Variants in DLGAP2 observed in about 807,000 individuals in gnomAD.
The protein encoded by DLGAP2 is DLG associated protein 2, also known as disks large-associated protein 2.
DLGAP2 carries 26 observed loss-of-function variants against 100.3 expected under a neutral mutation model. That is an observed-to-expected ratio of 0.26 (90% CI 0.19 to 0.36). The LOEUF (loss-of-function observed/expected upper bound fraction) is 0.36. DLGAP2 is among the 10% of genes least tolerant of loss of function. DLGAP2 has a pLI of 1.00. For synonymous variants in DLGAP2, 886 were observed against 630.1 expected, an observed-to-expected ratio of 1.41 and a Z score of -6.08; for missense variants, 1,858 against 1,453.2, an observed-to-expected ratio of 1.28 and a Z score of -4.53.
intron 6 of DLGAP2, among the ~76,000 whole-genome samples, chr8:1,586,418 C>T (rs1471672346): frequency 6.6e-6 from 1 of 152,220 alleles, no homozygotes; most frequent in Non-Finnish European, 1.5e-5. Context: ...TCTCACTCTG[C>T]AGACCCCTCC....
Position 779,741 on chromosome 8 carries a change from A to T in DLGAP2, c.18+41916A>T, listed in dbSNP as rs80060674. Among the ~76,000 whole-genome samples the T allele has an allele frequency of 1.8e-3, 268 of 152,266 alleles. 10 individuals carry two copies. The East Asian group carries it at 0.046, about 26-fold the overall frequency. On this transcript the variant is annotated intron_variant, in intron 1 of 14. Transcript: ENST00000637795. ...CTTTGCCTTCTCTCAAGCAGACACT[A>T]ACAGGGAATATCTGTAGCAGGGCCA... is the stretch of plus-strand genomic sequence containing the variant.
At chr8:1,295,705 C>T (rs368115778) in intron 3 of DLGAP2, among the ~76,000 whole-genome samples, 14 of 152,300 alleles carry the variant, frequency 9.2e-5, no homozygotes, top group South Asian at 6.2e-4. Context: ...AAACCCACTC[C>T]GGGCCCCAGT....
At chr8:1,509,962 A>G (rs1414055570) in intron 4 of DLGAP2, among the ~76,000 whole-genome samples, 1 of 152,050 alleles carries the variant, frequency 6.6e-6, no homozygotes, top group Non-Finnish European at 1.5e-5. Context: ...TCGGTGTAAT[A>G]CTCCAGACAG....
chr8:1,442,065 T>G (rs2130070336), intron 3 of DLGAP2, among the ~76,000 whole-genome samples: 1 of 152,276 alleles, frequency 6.6e-6, no homozygotes, highest in South Asian at 2.1e-4. Context: ...GGCACCTTAC[T>G]AAACTCAGGA....
intron 1 of DLGAP2, among the ~76,000 whole-genome samples, chr8:745,962 G>A (rs956362638): frequency 5.3e-5 from 8 of 152,192 alleles, no homozygotes; most frequent in African/African-American, 1.7e-4. Flanking sequence ...CCTGCCTATG[G>A]GGGTCCGCAC....
chr8:1,492,552 C>A (rs1183632105), intron 3 of DLGAP2, among the ~76,000 whole-genome samples: 1 of 152,224 alleles, frequency 6.6e-6, no homozygotes, highest in African/African-American at 2.4e-5. Flanking sequence ...GGGGACCGCG[C>A]TTCGCTCCGC....
intron 2 of DLGAP2, among the ~76,000 whole-genome samples, chr8:1,189,345 C>T (rs534926999): frequency 3.3e-5 from 5 of 152,340 alleles, no homozygotes; most frequent in African/African-American, 1.2e-4. Flanking sequence ...GTCACACATC[C>T]AGCAGGAAGA....
intron 2 of DLGAP2, among the ~76,000 whole-genome samples, chr8:1,138,496 A>G (rs770729548): frequency 2.0e-5 from 3 of 152,214 alleles, no homozygotes; most frequent in Non-Finnish European, 4.4e-5. Context: ...CGGGGCCCTG[A>G]AAATGCTTTG....
chr8:1,157,580 G>C (rs1339202474), intron 2 of DLGAP2, among the ~76,000 whole-genome samples: 1 of 152,204 alleles, frequency 6.6e-6, no homozygotes, highest in African/African-American at 2.4e-5. Context: ...CCCAGAGCAA[G>C]ACCAGCCAAC....
intron 3 of DLGAP2, among the ~76,000 whole-genome samples, chr8:1,364,811 C>T (rs1021159570): frequency 3.3e-5 from 5 of 152,212 alleles, no homozygotes; most frequent in African/African-American, 1.2e-4. Flanking sequence ...TGTGCATTTA[C>T]GTCGGAGTTG....
chr8:1,556,335 C>A (rs1801964440), intron 5 of DLGAP2, among the ~76,000 whole-genome samples: 1 of 150,674 alleles, frequency 6.6e-6, no homozygotes, highest in South Asian at 2.1e-4. Flanking sequence ...CCTGCTCTGT[C>A]CTCTCCCACC....
At position 1,226,894 on chromosome 8, in the gene DLGAP2, C is replaced by T. The variant is rs529861224; in HGVS notation, c.74-31957C>T. Among the ~76,000 whole-genome samples, 107 of 151,980 alleles carry T rather than the reference C, an allele frequency of 7.0e-4. 1 individual carries two copies. In the Middle Eastern group the frequency reaches 0.01, roughly 14 times the overall value. ...AAATGTTAGTGCAGAGAAAAGGGAA[C>T]CCCCACACTTCAGCAGGAAAGTAGA... On this transcript the variant is annotated intron_variant, in intron 2 of 14. Coordinates refer to ENST00000637795, the MANE Select transcript of DLGAP2 (RefSeq NM_001346810.2).
chr8:1,701,702 C>T lies in DLGAP2; in HGVS notation c.*296C>T, dbSNP rs1408746018. On this transcript the variant is annotated 3_prime_UTR_variant, in exon 15 of 15. Transcript: ENST00000637795. ...ATTTCTCCTGCGTGTTCTCAGAGGA[C>T]GGCGAGAAATGCCTCTGGAGCTGGA... The T allele has an allele frequency of 1.4e-5, 6 of 420,360 alleles. No homozygotes were observed. In the East Asian group the frequency reaches 1.5e-4, roughly 10 times the overall value. 26.0% of individuals were successfully genotyped at this position (420,360 alleles called of 1,614,324 possible). A position where few individuals can be genotyped will look rare whatever the true frequency, so the allele number is the denominator to read the frequency against.
At chr8:847,226 A>G (rs117250358) in intron 1 of DLGAP2, among the ~76,000 whole-genome samples, 1 of 152,268 alleles carries the variant, frequency 6.6e-6, no homozygotes, top group African/African-American at 2.4e-5. Flanking sequence ...GTTTTTTCTG[A>G]ACTTTTCCAT....
chr8:1,251,173 A>G lies in DLGAP2; in HGVS notation c.74-7678A>G, dbSNP rs749188521. On this transcript the variant is annotated intron_variant, in intron 2 of 14. Transcript: ENST00000637795. ...TCATTACCACAATTTCTCCCTGAGA[A>G]CTAACTTCTAAAAATTTACTGTCAT... Among the ~76,000 whole-genome samples, 17 of 152,304 alleles carry G rather than the reference A, an allele frequency of 1.1e-4. No individual in the cohort carries two copies. In the Middle Eastern group the frequency reaches 0.01, roughly 91 times the overall value.
At chr8:793,580 T>C (rs1795965222) in intron 1 of DLGAP2, among the ~76,000 whole-genome samples, 1 of 152,260 alleles carries the variant, frequency 6.6e-6, no homozygotes. Flanking sequence ...TTTCTTTCTT[T>C]TACTCCTTCT....
chr8:1,384,314 C>G (rs1298218693), intron 3 of DLGAP2, among the ~76,000 whole-genome samples: 7 of 152,088 alleles, frequency 4.6e-5, no homozygotes, highest in Non-Finnish European at 7.4e-5. Context: ...CCCCTGAGAA[C>G]TTGGTGCACA....
At chr8:1,138,017 T>C (rs1796453338) in intron 2 of DLGAP2, among the ~76,000 whole-genome samples, 1 of 151,874 alleles carries the variant, frequency 6.6e-6, no homozygotes, top group African/African-American at 2.4e-5. Flanking sequence ...ATTACAGGCG[T>C]GAGCCACGGC....
rs151061759 is a variant in DLGAP2, at chr8:1,495,541, G to A, written c.107-5825G>A. 2.3e-3 allele frequency among the ~76,000 whole-genome samples: 349 copies of A among 152,346 alleles called. 1 individual carries two copies. Among genetic ancestry groups the A allele is most frequent in the Non-Finnish European group, 4.0e-3 (274 of 68,040 alleles). ...GGGTGAGCCAGGACTGCGCTGGCCC[G>A]GCGAGGTCGGTGTGCTGAGACCACA... is the stretch of plus-strand genomic sequence containing the variant. On this transcript the variant is annotated intron_variant, in intron 3 of 14. Transcript: ENST00000637795.
Sources: allele counts gnomAD v4.1 joint callset (sites outside exome capture counted in the v4.1 genomes callset), GRCh38; gene constraint gnomAD v4.1.1; transcripts MANE v1.5; gene names NCBI Gene and HGNC (gene_info 2026-07-23, HGNC 2026-07-21).